The following SHISA6 variants were observed in gnomAD, a reference collection of about 807,000 sequenced individuals.
The protein encoded by SHISA6 is protein shisa-6.
SHISA6 carries 22 observed loss-of-function variants against 47.9 expected under a neutral mutation model. The observed-to-expected ratio is 0.46, with a 90% confidence interval of 0.33 to 0.66. SHISA6 has a LOEUF of 0.66. Ranked by LOEUF, SHISA6 falls within the 30% of genes least tolerant of loss-of-function variation. The probability of loss-of-function intolerance (pLI) is 0.02; values close to 1 mark genes in which losing one functional copy is unlikely to be tolerated. For synonymous variants in SHISA6, 388 were observed against 337.8 expected, an observed-to-expected ratio of 1.15 and a Z score of -1.63; for missense variants, 680 against 764.6, an observed-to-expected ratio of 0.89 and a Z score of 1.30.
At chr17:11,376,519 T>G (rs1320327660) in intron 2 of SHISA6, among the ~76,000 whole-genome samples, 1 of 151,832 alleles carries the variant, frequency 6.6e-6, no homozygotes, top group East Asian at 1.9e-4. Flanking sequence ...AAAGACGGGG[T>G]TTTGCCATGT....
chr17:11,430,288 A>T (rs1914717618), intron 3 of SHISA6, among the ~76,000 whole-genome samples: 1 of 152,148 alleles, frequency 6.6e-6, no homozygotes, highest in South Asian at 2.1e-4. Context: ...GGACGAGGCC[A>T]CGAGACTGGT....
chr17:11,336,048 A>AAG (rs1485566904), intron 2 of SHISA6, among the ~76,000 whole-genome samples: 2 of 151,434 alleles, frequency 1.3e-5, no homozygotes, highest in Non-Finnish European at 2.9e-5. Context: ...AAAAAAAAAA[A>AAG]AAATCCAAAA....
At chr17:11,324,520 T>C (rs566145864) in intron 2 of SHISA6, among the ~76,000 whole-genome samples, 1 of 152,182 alleles carries the variant, frequency 6.6e-6, no homozygotes, top group African/African-American at 2.4e-5. Context: ...TAGTAGAAGC[T>C]CTTTTCCTTC....
At chr17:11,371,740 C>A (rs78321974) in intron 2 of SHISA6, among the ~76,000 whole-genome samples, 3,019 of 139,362 alleles carry the variant, frequency 0.022, 82 homozygotes, top group African/African-American at 0.069. Context: ...AGAAAAACAA[C>A]AAAAAAAAAT....
chr17:11,500,031 T>G (rs1348109500), intron 3 of SHISA6, among the ~76,000 whole-genome samples: 1 of 152,172 alleles, frequency 6.6e-6, no homozygotes, highest in African/African-American at 2.4e-5. Flanking sequence ...GCTATGAGCA[T>G]CAGCCTGTGG....
At chr17:11,411,088 C>T (rs528248208) in intron 3 of SHISA6, among the ~76,000 whole-genome samples, 1 of 152,012 alleles carries the variant, frequency 6.6e-6, no homozygotes, top group African/African-American at 2.4e-5. Flanking sequence ...CCTGCCTCAG[C>T]CTCCTGAGTA....
chr17:11,456,390 C>A (rs946528158), intron 3 of SHISA6, among the ~76,000 whole-genome samples: 1 of 152,190 alleles, frequency 6.6e-6, no homozygotes, highest in African/African-American at 2.4e-5. Flanking sequence ...CCGACAGTCA[C>A]CTGGTTCCAT....
At chr17:11,406,825 C>T (rs1377302756) in intron 3 of SHISA6, among the ~76,000 whole-genome samples, 2 of 152,128 alleles carry the variant, frequency 1.3e-5, no homozygotes, top group Non-Finnish European at 2.9e-5. Flanking sequence ...CATATTTGCT[C>T]AAACTAGTCC....
At chr17:11,454,341 C>A (rs1915479019) in intron 3 of SHISA6, among the ~76,000 whole-genome samples, 1 of 152,190 alleles carries the variant, frequency 6.6e-6, no homozygotes, top group Admixed American at 6.5e-5. Context: ...TCTCTGCCCA[C>A]ATCCGACATC....
chr17:11,336,611 G>A (rs954032763), intron 2 of SHISA6, among the ~76,000 whole-genome samples: 8 of 152,132 alleles, frequency 5.3e-5, no homozygotes, highest in African/African-American at 1.4e-4. Context: ...GATGAGGAGG[G>A]GGCAGGGAAG....
chr17:11,491,997 T>G (rs971040135), intron 3 of SHISA6, among the ~76,000 whole-genome samples: 1 of 152,164 alleles, frequency 6.6e-6, no homozygotes, highest in Middle Eastern at 3.4e-3. Context: ...TCTCGATCTC[T>G]TGACCTCATG....
intron 3 of SHISA6, among the ~76,000 whole-genome samples, chr17:11,485,229 GAGTT>G (rs1173059208): frequency 6.6e-6 from 1 of 152,118 alleles, no homozygotes; most frequent in Non-Finnish European, 1.5e-5. Flanking sequence ...GCCAGAGAAG[GAGTT>G]AGGACTGAGA....
chr17:11,285,675 C>CAG (rs1169807166), intron 2 of SHISA6, among the ~76,000 whole-genome samples: 1 of 152,104 alleles, frequency 6.6e-6, no homozygotes, highest in East Asian at 1.9e-4. Flanking sequence ...GCCCATGCTG[C>CAG]AGAGGTCTGT....
At position 11,371,206 on chromosome 17, in the gene SHISA6, T is replaced by C. The variant is rs1347433403; in HGVS notation, c.800-8208T>C. Among the ~76,000 whole-genome samples, 3 of 152,166 alleles carry C rather than the reference T, an allele frequency of 2.0e-5. No homozygotes were observed. In the East Asian group the frequency reaches 5.8e-4, roughly 29 times the overall value. The stretch of plus-strand genomic sequence containing the variant: ...GTAAGAGCAAGCTCAGAAGCTGCCT[T>C]GTTAGTTCAGCAAAAAGTTAATGCA... On this transcript the variant is annotated intron_variant, in intron 2 of 5. Coordinates refer to ENST00000441885, the MANE Select transcript of SHISA6 (RefSeq NM_207386.4).
chr17:11,324,169 G>A lies in SHISA6; in HGVS notation c.800-55245G>A, dbSNP rs559381687. On this transcript the variant is annotated intron_variant, in intron 2 of 5. Transcript: ENST00000441885. The stretch of plus-strand genomic sequence containing the variant: ...CAGCTCTTCTCAGCTTTGGTGCCGC[G>A]TTTTCATCTTATCAAAGATTCATGC... 1.2e-4 allele frequency among the ~76,000 whole-genome samples: 19 copies of A among 152,202 alleles called. No homozygotes were observed. In the East Asian group the frequency reaches 2.1e-3, roughly 17 times the overall value.
chr17:11,342,738 C>G lies in SHISA6; in HGVS notation c.800-36676C>G, dbSNP rs139399660. Among the ~76,000 whole-genome samples the G allele has an allele frequency of 1.2e-3, 176 of 152,286 alleles. 1 individual carries two copies. Among genetic ancestry groups the G allele is most frequent in the Admixed American group, 4.3e-3 (66 of 15,298 alleles). Reference sequence around the variant, plus strand: ...AAGGGTGATTCTGTGCAGAAGTGGGCATTTCTGTCCATGAACACCACAGGC... The same window carrying G: ...AAGGGTGATTCTGTGCAGAAGTGGGGATTTCTGTCCATGAACACCACAGGC... On this transcript the variant is annotated intron_variant, in intron 2 of 5. Coordinates refer to ENST00000441885, the MANE Select transcript of SHISA6 (RefSeq NM_207386.4).
At chr17:11,533,997 G>C (rs1201713457) in intron 3 of SHISA6, among the ~76,000 whole-genome samples, 1 of 151,094 alleles carries the variant, frequency 6.6e-6, no homozygotes, top group East Asian at 2.0e-4. Flanking sequence ...TGTTTTTTGA[G>C]ATGGAGTTTC....
At chr17:11,277,008 C>G (rs1298647688) in intron 2 of SHISA6, among the ~76,000 whole-genome samples, 6 of 152,044 alleles carry the variant, frequency 3.9e-5, no homozygotes, top group African/African-American at 1.4e-4. Flanking sequence ...AGACAGGAGT[C>G]ACAGATGATT....
intron 2 of SHISA6, among the ~76,000 whole-genome samples, chr17:11,363,142 A>G (rs1027475568): frequency 6.6e-6 from 1 of 151,496 alleles, no homozygotes; most frequent in African/African-American, 2.4e-5. Flanking sequence ...CTTTCCACTC[A>G]ACATTCTTCA....
Sources: gnomAD v4.1 joint callset for allele counts (sites outside exome capture counted in the v4.1 genomes callset) on GRCh38, gnomAD v4.1.1 for gene constraint, MANE v1.5 for transcripts, NCBI Gene and HGNC (gene_info 2026-07-23, HGNC 2026-07-21) for gene names.